MDGA2: variants seen among roughly 807,000 people sequenced by gnomAD.
MDGA2 encodes MAM domain-containing glycosylphosphatidylinositol anchor protein 2.
A neutral mutation model predicts 117.8 loss-of-function variants in MDGA2; 40 were observed. That is an observed-to-expected ratio of 0.34 (90% CI 0.26 to 0.44). The LOEUF (loss-of-function observed/expected upper bound fraction) is 0.44. MDGA2 is among the 20% of genes least tolerant of loss of function. The pLI is 1.00. For missense variants in MDGA2, 1,123 were observed against 1,250.6 expected (o/e 0.90, Z 1.54); for synonymous variants, 452 against 439.0 (o/e 1.03, Z -0.37).
At chr14:47,285,449 T>G (rs137966000) in intron 2 of MDGA2, among the ~76,000 whole-genome samples, 4 of 152,292 alleles carry the variant, frequency 2.6e-5, no homozygotes, top group Admixed American at 1.3e-4. Context: ...TTAGAGATAT[T>G]GTCTAAAAAT....
chr14:47,450,617 T>C (rs1006121814), intron 1 of MDGA2, among the ~76,000 whole-genome samples: 1 of 152,160 alleles, frequency 6.6e-6, no homozygotes, highest in Non-Finnish European at 1.5e-5. Flanking sequence ...TCTATGAGAA[T>C]TTATGAAGAC....
intron 3 of MDGA2, among the ~76,000 whole-genome samples, chr14:47,195,641 T>C (rs933187545): frequency 3.9e-5 from 6 of 152,130 alleles, no homozygotes; most frequent in African/African-American, 1.2e-4. Flanking sequence ...TCATTGACTT[T>C]TGTTGTGTAT....
chr14:47,049,247 C>T (rs1889368977), intron 7 of MDGA2, among the ~76,000 whole-genome samples: 1 of 151,932 alleles, frequency 6.6e-6, no homozygotes, highest in African/African-American at 2.4e-5. Context: ...AAATTACCAG[C>T]ATACAGATAC....
chr14:46,971,808 CCT>C (rs1189680281), intron 8 of MDGA2, among the ~76,000 whole-genome samples: 6 of 151,832 alleles, frequency 4.0e-5, no homozygotes, highest in Admixed American at 3.9e-4. Flanking sequence ...GCCCAGATAC[CCT>C]GACTTGATCA....
At chr14:46,863,103 G>C (rs573866716) in intron 14 of MDGA2, among the ~76,000 whole-genome samples, 44 of 152,088 alleles carry the variant, frequency 2.9e-4, no homozygotes, top group Non-Finnish European at 4.7e-4. Context: ...CATAAGCACA[G>C]TATTCTCCAT....
At chr14:47,271,375 A>T (rs1385175174) in intron 2 of MDGA2, among the ~76,000 whole-genome samples, 1 of 152,182 alleles carries the variant, frequency 6.6e-6, no homozygotes. Flanking sequence ...GCCAACTAAG[A>T]GTTTGCATGT....
chr14:47,651,543 T>C (rs1897644827), intron 1 of MDGA2, among the ~76,000 whole-genome samples: 1 of 152,024 alleles, frequency 6.6e-6, no homozygotes, highest in Non-Finnish European at 1.5e-5. Flanking sequence ...AACCACTGAA[T>C]GGCTTTCAAA....
chr14:47,437,939 T>C (rs901797477), intron 1 of MDGA2, among the ~76,000 whole-genome samples: 1 of 152,178 alleles, frequency 6.6e-6, no homozygotes, highest in Non-Finnish European at 1.5e-5. Context: ...TCAAGTCTTA[T>C]GTGTGGTATC....
At chr14:47,609,462 TATAA>T (rs1159738104) in intron 1 of MDGA2, among the ~76,000 whole-genome samples, 28 of 117,214 alleles carry the variant, frequency 2.4e-4, no homozygotes, top group African/African-American at 8.3e-4. Context: ...TATATATATA[TATAA>T]GTTTCTTTAT....
At chr14:47,478,327 T>A (rs1219942365) in intron 1 of MDGA2, among the ~76,000 whole-genome samples, 1 of 152,178 alleles carries the variant, frequency 6.6e-6, no homozygotes, top group Admixed American at 6.5e-5. Flanking sequence ...TTATTCAATA[T>A]CAAATGTTGT....
intron 1 of MDGA2, among the ~76,000 whole-genome samples, chr14:47,328,635 T>C (rs1251441718): frequency 6.6e-6 from 1 of 152,182 alleles, no homozygotes; most frequent in East Asian, 1.9e-4. Flanking sequence ...TGTGTACATA[T>C]CCAACTGTTT....
chr14:47,670,360 A>G (rs1291993181), intron 1 of MDGA2, among the ~76,000 whole-genome samples: 1 of 152,168 alleles, frequency 6.6e-6, no homozygotes, highest in Non-Finnish European at 1.5e-5. Flanking sequence ...ATAATGTTTA[A>G]TAACTTCCTT....
chr14:47,268,476 TG>T (rs1209115705), intron 2 of MDGA2, among the ~76,000 whole-genome samples: 1 of 152,148 alleles, frequency 6.6e-6, no homozygotes, highest in African/African-American at 2.4e-5. Flanking sequence ...TGGATTCTAC[TG>T]ACTATTTAAA....
intron 1 of MDGA2, among the ~76,000 whole-genome samples, chr14:47,591,241 T>C (rs1439228739): frequency 6.6e-6 from 1 of 152,108 alleles, no homozygotes; most frequent in Middle Eastern, 3.2e-3. Flanking sequence ...CATCTCCCAT[T>C]CATGCTCTCA....
At chr14:47,234,780 C>A (rs938626058) in intron 2 of MDGA2, among the ~76,000 whole-genome samples, 1 of 152,070 alleles carries the variant, frequency 6.6e-6, no homozygotes, top group Non-Finnish European at 1.5e-5. Context: ...AGACTTCCAA[C>A]AAATAGCAGA....
At chr14:46,969,229 T>G (rs1266102018) in intron 8 of MDGA2, among the ~76,000 whole-genome samples, 2 of 152,198 alleles carry the variant, frequency 1.3e-5, no homozygotes, top group Non-Finnish European at 2.9e-5. Flanking sequence ...TGTGTCTTTA[T>G]AGCAGCATGA....
rs1405805572 is a variant in MDGA2, at chr14:46,861,362, T to G, written c.2753-6208A>C. ...TCGTGCCAGTACTGAATATTGTTTC[T>G]CACTAAGGGAATTCTGTTTGCCTGT... On this transcript the variant is annotated intron_variant, in intron 14 of 16. Coordinates refer to ENST00000399232, the MANE Select transcript of MDGA2 (RefSeq NM_001113498.3). 2.6e-5 allele frequency among the ~76,000 whole-genome samples: 4 copies of G among 152,010 alleles called. No individual in the cohort carries two copies. In the South Asian group the frequency reaches 8.3e-4, roughly 31 times the overall value.
chr14:47,508,120 A>G (rs572450100), intron 1 of MDGA2, among the ~76,000 whole-genome samples: 1 of 152,366 alleles, frequency 6.6e-6, no homozygotes, highest in Non-Finnish European at 1.5e-5. Flanking sequence ...TTCCAACATA[A>G]GGATAGCTAC....
At chr14:47,058,073 TTC>T (rs959939169) in intron 7 of MDGA2, among the ~76,000 whole-genome samples, 3 of 152,132 alleles carry the variant, frequency 2.0e-5, no homozygotes, top group African/African-American at 7.2e-5. Context: ...AAAAATGATT[TTC>T]TGTCTCAGGT....
Sources: allele counts gnomAD v4.1 joint callset (sites outside exome capture counted in the v4.1 genomes callset), GRCh38; gene constraint gnomAD v4.1.1; transcripts MANE v1.5; gene names NCBI Gene and HGNC (gene_info 2026-07-23, HGNC 2026-07-21).